Variants in HIBCH observed in about 807,000 individuals in gnomAD.
HIBCH encodes the protein 3-hydroxyisobutyryl-CoA hydrolase, mitochondrial.
HIBCH carries 50 observed loss-of-function variants against 58.2 expected under a neutral mutation model. The observed-to-expected ratio is 0.86, with a 90% confidence interval of 0.68 to 1.09. The LOEUF is 1.09. HIBCH is among the 50% of genes least tolerant of loss of function. HIBCH has a pLI of 0.00. For missense variants in HIBCH, 450 were observed against 449.7 expected (o/e 1.00, Z -0.01); for synonymous variants, 151 against 146.9 (o/e 1.03, Z -0.20).
At chr2:190,219,885 T>C (rs1369389466) in intron 11 of HIBCH, among the ~76,000 whole-genome samples, 2 of 152,196 alleles carry the variant, frequency 1.3e-5, no homozygotes, top group Admixed American at 6.5e-5. Context: ...GGACATTTTA[T>C]TTTACAATGT....
intron 6 of HIBCH, among the ~76,000 whole-genome samples, chr2:190,263,010 A>G (rs544199340): frequency 3.9e-5 from 6 of 152,216 alleles, no homozygotes; most frequent in African/African-American, 1.4e-4. Context: ...GGGGTATAAA[A>G]CCCTAATGGC....
At chr2:190,237,719 G>C (rs369655120) in intron 11 of HIBCH, among the ~76,000 whole-genome samples, 1 of 151,924 alleles carries the variant, frequency 6.6e-6, no homozygotes, top group African/African-American at 2.4e-5. Flanking sequence ...TTGTTACATA[G>C]GTATACACGT....
At chr2:190,301,059 TA>T (rs1310539233) in intron 2 of HIBCH, among the ~76,000 whole-genome samples, 1 of 152,216 alleles carries the variant, frequency 6.6e-6, no homozygotes, top group Non-Finnish European at 1.5e-5. Context: ...GCATAAGCCA[TA>T]AGAAAGATTA....
chr2:190,308,561 G>A (rs1190260295), intron 2 of HIBCH, among the ~76,000 whole-genome samples: 3 of 152,132 alleles, frequency 2.0e-5, no homozygotes, highest in Non-Finnish European at 2.9e-5. Flanking sequence ...AGGCAGACCT[G>A]AGCTAGCACA....
chr2:190,193,976 G>A (rs891531165), intron 1 of HIBCH, among the ~76,000 whole-genome samples: 2 of 152,002 alleles, frequency 1.3e-5, no homozygotes, highest in Admixed American at 6.5e-5. Context: ...AAATTTTGAT[G>A]TTTTGGCTTT....
intron 1 of HIBCH, among the ~76,000 whole-genome samples, chr2:190,319,462 G>A (rs1033769584): frequency 6.6e-6 from 1 of 152,162 alleles, no homozygotes; most frequent in East Asian, 1.9e-4. Context: ...AATTAAAGTC[G>A]TGTGGGGACA....
At position 190,197,233 on chromosome 2, in the gene HIBCH, C is replaced by T. The variant is rs1690022227; in HGVS notation, c.*18-7236G>A. Among the ~76,000 whole-genome samples the T allele has an allele frequency of 2.0e-5, 3 of 152,310 alleles. No individual in the cohort carries two copies. Among genetic ancestry groups the T allele is most frequent in the South Asian group, 4.1e-4 (2 of 4,832 alleles). ...CCTAAGTCATAGCCCTTTAAGAAAA[C>T]ACTTGCCAAACCTTGTTTAGGGTAT... On this transcript the variant is annotated intron_variant, in intron 1 of 1. Transcript: ENST00000399855. This position sits in a 1 kb window ranked among gnomAD's most constrained non-coding sequence, Gnocchi z 4.0.
chr2:190,268,295 C>T (rs1340490188), intron 6 of HIBCH, among the ~76,000 whole-genome samples: 3 of 152,118 alleles, frequency 2.0e-5, no homozygotes, highest in Non-Finnish European at 4.4e-5. Flanking sequence ...TATGGTGTCC[C>T]GAGCACTCTG....
intron 2 of HIBCH, among the ~76,000 whole-genome samples, chr2:190,303,770 T>C (rs1688330934): frequency 6.6e-6 from 1 of 152,120 alleles, no homozygotes; most frequent in African/African-American, 2.4e-5. Context: ...AACTTTATAG[T>C]GGAAAACAAT....
At chr2:190,287,727 G>GT in intron 5 of HIBCH, 89 bp from the exon 6 acceptor site, 1 of 898,474 alleles carries the variant, frequency 1.1e-6, no homozygotes, top group Non-Finnish European at 1.8e-6. Context: ...ATATACTCAA[G>GT]ATTTTCCCTA....
intron 11 of HIBCH, among the ~76,000 whole-genome samples, chr2:190,224,829 T>C (rs889636352): frequency 2.0e-5 from 3 of 152,194 alleles, no homozygotes; most frequent in Non-Finnish European, 2.9e-5. Flanking sequence ...CAACAGAATA[T>C]ACATTCTTCT....
At position 190,214,319 on chromosome 2, in the gene HIBCH, T is replaced by A. The variant is rs1690582575; in HGVS notation, c.892-1244A>T. The A allele has an allele frequency of 6.6e-6, 1 of 152,236 alleles. No homozygotes were observed. Among genetic ancestry groups the A allele is most frequent in the East Asian group, 1.9e-4 (1 of 5,188 alleles). 9.4% of individuals were successfully genotyped at this position (152,236 alleles called of 1,614,324 possible). A position where few individuals can be genotyped will look rare whatever the true frequency, so the allele number is the denominator to read the frequency against. On this transcript the variant is annotated intron_variant, in intron 11 of 13. Coordinates refer to ENST00000359678, the MANE Select transcript of HIBCH (RefSeq NM_014362.4). The surrounding 1 kb of genome is among the most constrained non-coding windows in gnomAD (Gnocchi z 5.5). ...GCAAGAAACCTCCAGTAAGGGGGGC[T>A]GAGTACACAGCAAAAACCTGACACA...
At position 190,304,972 on chromosome 2, in the gene HIBCH, GTCTC is replaced by G. The variant is rs927749348; in HGVS notation, c.78+5778_78+5781del. Among the ~76,000 whole-genome samples the G allele has an allele frequency of 6.5e-4, 48 of 73,560 alleles. No homozygotes were observed. Among genetic ancestry groups the G allele is most frequent in the African/African-American group, 1.7e-3 (45 of 26,196 alleles). The allele number at this position is 73,560 out of a possible 152,430, so 48.3% of individuals were successfully genotyped here. ...AAAAAATCCTGGGTTCTAGCCTTAA[GTCTC>G]TCTAACTGTGTGGTCTTGTGTAATC... On this transcript the variant is annotated intron_variant, in intron 2 of 13. Coordinates refer to ENST00000359678, the MANE Select transcript of HIBCH (RefSeq NM_014362.4). The surrounding 1 kb of genome is among the most constrained non-coding windows in gnomAD (Gnocchi z 4.1).
intron 7 of HIBCH, among the ~76,000 whole-genome samples, chr2:190,257,381 C>T (rs955875146): frequency 2.6e-5 from 4 of 151,854 alleles, no homozygotes; most frequent in African/African-American, 9.7e-5. Context: ...CAAACAAAAT[C>T]TAAAATAAGC....
In HIBCH at chr2:190,270,904, CCAAA is replaced by C. The variant is rs201677834; in HGVS notation, c.439-9674_439-9671del. 6.9e-3 allele frequency among the ~76,000 whole-genome samples: 1,053 copies of C among 152,066 alleles called. 8 individuals are homozygous for C. Among genetic ancestry groups the C allele is most frequent in the African/African-American group, 0.02 (834 of 41,498 alleles). On this transcript the variant is annotated intron_variant, in intron 6 of 13. Coordinates refer to ENST00000359678, the MANE Select transcript of HIBCH (RefSeq NM_014362.4). ...ATGGACTAACACATAGAGATTAGCA[CCAAA>C]CAGATTTTTTTTACCCTGCTATTGG...
At chr2:190,280,025 TAC>T (rs2105974312) in intron 6 of HIBCH, 1 of 152,364 alleles carries the variant, frequency 6.6e-6, no homozygotes, top group South Asian at 2.1e-4. Context: ...CCGGCAAGTG[TAC>T]TCTTTCTGCA....
intron 11 of HIBCH, among the ~76,000 whole-genome samples, chr2:190,227,577 A>C (rs909994923): frequency 6.6e-6 from 1 of 151,924 alleles, no homozygotes; most frequent in African/African-American, 2.4e-5. Flanking sequence ...AATGGGATCT[A>C]ATTAAACAGC....
At chr2:190,226,055 T>C (rs567352141) in intron 11 of HIBCH, among the ~76,000 whole-genome samples, 2 of 152,182 alleles carry the variant, frequency 1.3e-5, no homozygotes, top group African/African-American at 2.4e-5. Context: ...CAAAATTCAA[T>C]AGCCCTCCAT....
Position 190,209,890 on chromosome 2 carries a change from T to C in HIBCH, c.1012-977A>G, listed in dbSNP as rs1690477575. On this transcript the variant is annotated intron_variant, in intron 12 of 13. Transcript: ENST00000359678. The surrounding 1 kb of genome is among the most constrained non-coding windows in gnomAD (Gnocchi z 5.6). ...GTAATTTCTCCAACCCTAGTTTCTTTACATGAAAAGGTAATTTATATATCC... is the reference window on the plus strand; with the variant it reads ...GTAATTTCTCCAACCCTAGTTTCTTCACATGAAAAGGTAATTTATATATCC... Among the ~76,000 whole-genome samples, 1 of 152,218 alleles carries C rather than the reference T, an allele frequency of 6.6e-6. No individual in the cohort carries two copies. Among genetic ancestry groups the C allele is most frequent in the South Asian group, 2.1e-4 (1 of 4,832 alleles).
Sources: allele counts gnomAD v4.1 joint callset (sites outside exome capture counted in the v4.1 genomes callset), GRCh38; gene constraint gnomAD v4.1.1; non-coding constraint Gnocchi (gnomAD v3.1); transcripts MANE v1.5; gene names NCBI Gene and HGNC (gene_info 2026-07-23, HGNC 2026-07-21).